CCDC66: variants seen among roughly 807,000 people sequenced by gnomAD.
The protein encoded by CCDC66 is coiled-coil domain containing 66, also known as coiled-coil domain-containing protein 66.
CCDC66 carries 133 observed loss-of-function variants against 128.3 expected under a neutral mutation model. The observed-to-expected ratio is 1.04, with a 90% confidence interval of 0.90 to 1.20. The LOEUF (loss-of-function observed/expected upper bound fraction) is 1.20, where lower values mean the gene tolerates loss of function less well. Ranked by LOEUF, CCDC66 falls within the 50% of genes most tolerant of loss-of-function variation. The pLI is 0.00. For missense variants in CCDC66, 1,126 were observed against 1,075.5 expected, an observed-to-expected ratio of 1.05 and a Z score of -0.66; for synonymous variants, 387 against 357.0, an observed-to-expected ratio of 1.08 and a Z score of -0.95.
intron 7 of CCDC66, among the ~76,000 whole-genome samples, chr3:56,574,933 A>G (rs1349106205): frequency 6.6e-6 from 1 of 151,810 alleles, no homozygotes; most frequent in Non-Finnish European, 1.5e-5. Context: ...TTCTTTATCC[A>G]TTAATCCATG....
At chr3:56,621,349 C>G (rs1327456825) in intron 17 of CCDC66, 183 bp from the exon 18 acceptor site, 1 of 406,956 alleles carries the variant, frequency 2.5e-6, no homozygotes, top group South Asian at 5.6e-5. Context: ...CAGAATCTTA[C>G]AAATGTGATA....
At chr3:56,563,591 A>C (rs1042800842) in intron 3 of CCDC66, 93 bp from the exon 4 acceptor site, 2 of 1,003,966 alleles carry the variant, frequency 2.0e-6, no homozygotes, top group African/African-American at 3.3e-5. Flanking sequence ...AATGGAAAAA[A>C]GTTTAGAGGA....
At chr3:56,576,483 T>C (rs1182233147) in intron 7 of CCDC66, among the ~76,000 whole-genome samples, 1 of 151,352 alleles carries the variant, frequency 6.6e-6, no homozygotes, top group Non-Finnish European at 1.5e-5. Context: ...TGTATACATG[T>C]GTCATGTTGG....
At chr3:56,562,463 A>G (rs1382462543) in intron 3 of CCDC66, among the ~76,000 whole-genome samples, 1 of 152,214 alleles carries the variant, frequency 6.6e-6, no homozygotes, top group Non-Finnish European at 1.5e-5. Flanking sequence ...ATACAGTATC[A>G]TAAGTAATTT....
intron 7 of CCDC66, among the ~76,000 whole-genome samples, chr3:56,583,834 C>T (rs962538325): frequency 4.0e-5 from 6 of 151,734 alleles, no homozygotes; most frequent in East Asian, 4.0e-4. Context: ...GACGGGGTGG[C>T]GGCCAGGAAG....
intron 12 of CCDC66, 164 bp from the exon 13 acceptor site, chr3:56,615,758 C>G: frequency 2.1e-6 from 1 of 467,292 alleles, no homozygotes. Context: ...AAATGATCTC[C>G]CTAAATTCAG....
rs1247408644 is a variant in CCDC66, at chr3:56,566,661, C to CA, written c.619dup (p.Thr207AsnfsTer2). The CA allele has an allele frequency of 1.9e-6, 3 of 1,608,652 alleles. No individual in the cohort carries two copies. The highest frequency in any genetic ancestry group is 2.6e-6 in the Non-Finnish European group (3 of 1,175,352). ...AGGATGAGAACATTATGGGATTATT[C>CA]AAAAAAACTGAAATGGTTTCATCTG... is the stretch of plus-strand genomic sequence containing the variant. On this transcript the variant is annotated frameshift_variant, in exon 5 of 18. Coordinates refer to ENST00000394672, the MANE Select transcript of CCDC66 (RefSeq NM_001141947.3). LOFTEE classifies it high-confidence loss of function.
intron 17 of CCDC66, chr3:56,620,202 A>C (rs145241941): frequency 1.6e-5 from 3 of 183,164 alleles, no homozygotes; most frequent in East Asian, 1.4e-4. Flanking sequence ...TAAGGCCCTA[A>C]AACAAAAAAT....
chr3:56,617,182 A>T lies in CCDC66; in HGVS notation c.1914A>T (p.Thr638=). ...GATCATTAATGGAGAGGGACATCAC[A>T]AATTGTTCATCTCCTGAGATTTCGG... ...HCGSLMERDI[T]NCSSPEISAE... is the part of the protein sequence containing the mutation. The change falls in exon 14 of 18, where the codon ACA becomes ACT. Residue 638 remains threonine, a synonymous_variant. Transcript: ENST00000394672. 1.2e-6 allele frequency: 2 copies of T among 1,612,908 alleles called. No homozygotes were observed. The highest frequency in any genetic ancestry group is 1.7e-6 in the Non-Finnish European group (2 of 1,179,524).
chr3:56,577,388 T>G (rs943369163), intron 7 of CCDC66, among the ~76,000 whole-genome samples: 12 of 151,914 alleles, frequency 7.9e-5, no homozygotes, highest in African/African-American at 2.7e-4. Context: ...TTTACTCTGA[T>G]GGTAGTTTCT....
At chr3:56,571,869 C>T (rs1577343120) in intron 7 of CCDC66, among the ~76,000 whole-genome samples, 1 of 152,048 alleles carries the variant, frequency 6.6e-6, no homozygotes, top group Non-Finnish European at 1.5e-5. Flanking sequence ...CAGGTGTACT[C>T]CACCATGCCC....
chr3:56,575,927 C>G (rs936745921), intron 7 of CCDC66, among the ~76,000 whole-genome samples: 2 of 151,826 alleles, frequency 1.3e-5, no homozygotes, highest in Middle Eastern at 6.8e-3. Flanking sequence ...TTCCATTAGT[C>G]TGTCTGTATG....
intron 7 of CCDC66, among the ~76,000 whole-genome samples, chr3:56,575,977 T>C (rs1359268377): frequency 1.3e-5 from 2 of 151,810 alleles, no homozygotes; most frequent in Non-Finnish European, 2.9e-5. Context: ...CTTCCAACTT[T>C]CTTCTTTTTT....
intron 10 of CCDC66, among the ~76,000 whole-genome samples, chr3:56,608,044 G>A (rs2074304844): frequency 6.6e-6 from 1 of 152,132 alleles, no homozygotes; most frequent in Non-Finnish European, 1.5e-5. Flanking sequence ...CTAGTATTTT[G>A]TTAAGGATTT....
chr3:56,616,369 GTC>G (rs2075510303), intron 13 of CCDC66: 2 of 268,124 alleles, frequency 7.5e-6, no homozygotes, highest in South Asian at 3.7e-5. Context: ...TTAACATTCT[GTC>G]TCTGAATATT....
chr3:56,560,769 T>C, intron 3 of CCDC66: 2 of 412,018 alleles, frequency 4.9e-6, no homozygotes, highest in South Asian at 3.6e-5. Context: ...CTACTCTTCT[T>C]GCTACCTATT....
intron 7 of CCDC66, among the ~76,000 whole-genome samples, chr3:56,587,085 G>C (rs904833199): frequency 6.6e-6 from 1 of 151,810 alleles, no homozygotes. Flanking sequence ...ATTTGTATTG[G>C]TGGTTCTAGG....
chr3:56,621,687 A>G lies in CCDC66; in HGVS notation c.*69A>G. ...ATTATAAAATGTGCTCACTGGCTCA[A>G]CTGTATTTTTCAAATAGCCTAGATT... On this transcript the variant is annotated 3_prime_UTR_variant, in exon 18 of 18. Coordinates refer to ENST00000394672, the MANE Select transcript of CCDC66 (RefSeq NM_001141947.3). 4.6e-6 allele frequency: 5 copies of G among 1,085,056 alleles called. No individual in the cohort carries two copies. The highest frequency in any genetic ancestry group is 6.8e-6 in the Non-Finnish European group (5 of 737,928). 67.2% of individuals were successfully genotyped at this position (1,085,056 alleles called of 1,614,324 possible).
intron 10 of CCDC66, among the ~76,000 whole-genome samples, chr3:56,596,673 C>G (rs536302670): frequency 6.6e-6 from 1 of 151,914 alleles, no homozygotes; most frequent in African/African-American, 2.4e-5. Flanking sequence ...AACTCTATAC[C>G]AGTGTCTTGA....
Sources: gnomAD v4.1 joint callset for allele counts (sites outside exome capture counted in the v4.1 genomes callset) on GRCh38, gnomAD v4.1.1 for gene constraint, MANE v1.5 for transcripts, NCBI Gene and HGNC (gene_info 2026-07-23, HGNC 2026-07-21) for gene names.